OPRD1: variants seen among roughly 807,000 people sequenced by gnomAD.
OPRD1 encodes delta-type opioid receptor.
Under a neutral mutation model 17.5 loss-of-function variants are expected in OPRD1, and 19 were observed. That is an observed-to-expected ratio of 1.09 (90% CI 0.76 to 1.60). The LOEUF (loss-of-function observed/expected upper bound fraction) is 1.60, where lower values mean the gene tolerates loss of function less well. OPRD1 is among the 40% of genes most tolerant of loss of function. The pLI is 0.00. For synonymous variants in OPRD1, 256 were observed against 240.9 expected (o/e 1.06, Z -0.58); for missense variants, 483 against 547.2 (o/e 0.88, Z 1.17).
chr1:28,845,109 C>T (rs1339788351), intron 1 of OPRD1, among the ~76,000 whole-genome samples: 1 of 151,992 alleles, frequency 6.6e-6, no homozygotes, highest in Non-Finnish European at 1.5e-5. Context: ...CTTTCGGAGG[C>T]CAAGGCGGGC....
At chr1:28,821,465 T>G (rs952442768) in intron 1 of OPRD1, among the ~76,000 whole-genome samples, 3 of 152,106 alleles carry the variant, frequency 2.0e-5, no homozygotes, top group African/African-American at 7.2e-5. Context: ...CTTGAACTCC[T>G]GGACTCAAGT....
intron 1 of OPRD1, among the ~76,000 whole-genome samples, chr1:28,855,618 C>T (rs895016455): frequency 2.0e-5 from 3 of 152,160 alleles, no homozygotes; most frequent in Admixed American, 1.3e-4. Flanking sequence ...AGCGCTGGGC[C>T]GCTCAGCCCG....
chr1:28,815,360 C>T (rs533572499), intron 1 of OPRD1, among the ~76,000 whole-genome samples: 2 of 152,328 alleles, frequency 1.3e-5, no homozygotes, highest in East Asian at 3.9e-4. Context: ...CCCGCCTCGG[C>T]CTCCCAAAGT....
In OPRD1 at chr1:28,830,595, T is replaced by C. The variant is rs148224734; in HGVS notation, c.227+17985T>C. On this transcript the variant is annotated intron_variant, in intron 1 of 2. Coordinates refer to ENST00000234961, the MANE Select transcript of OPRD1 (RefSeq NM_000911.4). ...CCATAAGAGATATAATTATGAAAAA[T>C]TTGAAATATTGCAAGAATTACCAAA... Among the ~76,000 whole-genome samples the C allele has an allele frequency of 2.6e-4, 39 of 151,982 alleles. No individual in the cohort carries two copies. The South Asian group carries it at 3.1e-3, about 12-fold the overall frequency.
intron 1 of OPRD1, among the ~76,000 whole-genome samples, chr1:28,813,317 C>T (rs184365244): frequency 1.9e-4 from 29 of 152,190 alleles, no homozygotes; most frequent in African/African-American, 6.3e-4. Context: ...CAGCTGTGGG[C>T]CGCCAACCGG....
At chr1:28,828,312 A>G (rs187259291) in intron 1 of OPRD1, among the ~76,000 whole-genome samples, 5 of 152,230 alleles carry the variant, frequency 3.3e-5, no homozygotes, top group Middle Eastern at 3.4e-3. Flanking sequence ...AATATTTTGA[A>G]AGGAATCTTT....
At chr1:28,816,736 G>T (rs1185126995) in intron 1 of OPRD1, among the ~76,000 whole-genome samples, 1 of 152,108 alleles carries the variant, frequency 6.6e-6, no homozygotes, top group Admixed American at 6.5e-5. Flanking sequence ...TGGCCATGGG[G>T]ATGCCCTGGT....
intron 1 of OPRD1, among the ~76,000 whole-genome samples, chr1:28,840,546 C>T (rs975953921): frequency 2.0e-5 from 3 of 152,156 alleles, no homozygotes; most frequent in Non-Finnish European, 4.4e-5. Context: ...GCCTATTTGC[C>T]ACTCTGCAGC....
At chr1:28,831,103 A>C (rs1028937861) in intron 1 of OPRD1, among the ~76,000 whole-genome samples, 1 of 152,206 alleles carries the variant, frequency 6.6e-6, no homozygotes, top group Non-Finnish European at 1.5e-5. Context: ...GAAATACCCC[A>C]CATCTAGTGA....
At chr1:28,854,711 G>T (rs2089038982) in intron 1 of OPRD1, among the ~76,000 whole-genome samples, 1 of 151,576 alleles carries the variant, frequency 6.6e-6, no homozygotes, top group Non-Finnish European at 1.5e-5. Context: ...GGGGTGCAGT[G>T]GCATGATCTA....
intron 1 of OPRD1, among the ~76,000 whole-genome samples, chr1:28,851,992 C>G (rs980394896): frequency 1.3e-5 from 2 of 149,182 alleles, no homozygotes; most frequent in Admixed American, 1.3e-4. Context: ...ACAGTGAAAC[C>G]CCATCTCTAC....
rs189520571 is a variant in OPRD1 at position 28,814,791 on chromosome 1, C to T, written c.227+2181C>T. On this transcript the variant is annotated intron_variant, in intron 1 of 2. Transcript: ENST00000234961. ...GTGTACGCAAGCAGCTTAGTGGGCC[C>T]CTAGGGGTCCCCATGTTGCCAAGAC... Among the ~76,000 whole-genome samples, 11 of 152,286 alleles carry T rather than the reference C, an allele frequency of 7.2e-5. No homozygotes were observed. In the East Asian group the frequency reaches 1.9e-3, roughly 27 times the overall value.
intron 1 of OPRD1, among the ~76,000 whole-genome samples, chr1:28,844,834 T>G (rs931875923): frequency 1.1e-3 from 174 of 152,034 alleles, no homozygotes; most frequent in Non-Finnish European, 9.6e-4. Flanking sequence ...AACCTCCACC[T>G]CCCAGGTTCA....
intron 1 of OPRD1, among the ~76,000 whole-genome samples, chr1:28,816,695 A>G (rs1052490278): frequency 3.3e-5 from 5 of 152,090 alleles, no homozygotes; most frequent in Non-Finnish European, 7.4e-5. Flanking sequence ...CTCCTCCTGC[A>G]TGTGGGATTG....
intron 1 of OPRD1, among the ~76,000 whole-genome samples, chr1:28,843,073 C>T (rs555389978): frequency 4.0e-4 from 61 of 152,006 alleles, no homozygotes; most frequent in African/African-American, 1.3e-3. Context: ...TTCACACGTG[C>T]GGCTCCTAGA....
chr1:28,840,504 G>T (rs545742901), intron 1 of OPRD1, among the ~76,000 whole-genome samples: 1 of 152,272 alleles, frequency 6.6e-6, no homozygotes, highest in Non-Finnish European at 1.5e-5. Context: ...CTGGGATTTC[G>T]GGGAAAAGCA....
At chr1:28,849,130 C>T (rs1020763038) in intron 1 of OPRD1, among the ~76,000 whole-genome samples, 26 of 152,052 alleles carry the variant, frequency 1.7e-4, no homozygotes, top group African/African-American at 1.4e-4. Context: ...AGGCCAGGCA[C>T]GGTGGCTCAT....
chr1:28,845,119 C>T (rs1257146241), intron 1 of OPRD1, among the ~76,000 whole-genome samples: 1 of 151,568 alleles, frequency 6.6e-6, no homozygotes, highest in Non-Finnish European at 1.5e-5. Context: ...CCAAGGCGGG[C>T]AGATCACAAG....
chr1:28,824,094 G>A (rs58932356), intron 1 of OPRD1, among the ~76,000 whole-genome samples: 2 of 149,688 alleles, frequency 1.3e-5, no homozygotes, highest in African/African-American at 2.5e-5. Context: ...CAGGAGAATC[G>A]CTTGAGCCTG....
Sources: allele counts gnomAD v4.1 joint callset (sites outside exome capture counted in the v4.1 genomes callset), GRCh38; gene constraint gnomAD v4.1.1; transcripts MANE v1.5; gene names NCBI Gene and HGNC (gene_info 2026-07-23, HGNC 2026-07-21).